The following ARHGAP44 variants were observed in gnomAD, a reference collection of about 807,000 sequenced individuals.
ARHGAP44 encodes the protein rho GTPase-activating protein 44.
Under a neutral mutation model 106.8 loss-of-function variants are expected in ARHGAP44, and 43 were observed. The ratio of observed to expected loss-of-function variants is 0.40; its 90% CI spans 0.32 to 0.52. ARHGAP44 has a LOEUF of 0.52. ARHGAP44 is among the 20% of genes least tolerant of loss of function. ARHGAP44 has a pLI of 0.48. For synonymous variants in ARHGAP44, 439 were observed against 410.3 expected (o/e 1.07, Z -0.85); for missense variants, 866 against 1,050.5 (o/e 0.82, Z 2.43).
intron 1 of ARHGAP44, among the ~76,000 whole-genome samples, chr17:12,791,170 C>T (rs1403493137): frequency 6.6e-6 from 1 of 152,134 alleles, no homozygotes; most frequent in Non-Finnish European, 1.5e-5. Context: ...CAGATGGTTT[C>T]CAAGTAACAA....
intron 18 of ARHGAP44, among the ~76,000 whole-genome samples, chr17:12,978,035 T>TTA (rs757585682): frequency 1.8e-5 from 1 of 55,562 alleles, no homozygotes; most frequent in African/African-American, 9.3e-5. Flanking sequence ...AGACTCCATC[T>TTA]CAAAAAAAAA....
intron 6 of ARHGAP44, among the ~76,000 whole-genome samples, chr17:12,928,605 T>G (rs1180646409): frequency 6.6e-6 from 1 of 152,190 alleles, no homozygotes; most frequent in Non-Finnish European, 1.5e-5. Context: ...AAAAATAACA[T>G]TAATTTTTTT....
chr17:12,946,886 A>AT (rs2038865660), intron 10 of ARHGAP44, among the ~76,000 whole-genome samples: 1 of 152,100 alleles, frequency 6.6e-6, no homozygotes, highest in East Asian at 1.9e-4. Flanking sequence ...CTGGTTTTTG[A>AT]AGAGCAGTAC....
chr17:12,895,131 A>G (rs549851237), intron 2 of ARHGAP44, among the ~76,000 whole-genome samples, 152 bp downstream of exon 2: 1 of 152,288 alleles, frequency 6.6e-6, no homozygotes, highest in South Asian at 2.1e-4. Context: ...CTCTGTCTCA[A>G]AACAAACAAA....
intron 4 of ARHGAP44, among the ~76,000 whole-genome samples, chr17:12,913,801 C>T (rs922578275): frequency 1.5e-4 from 23 of 151,548 alleles, no homozygotes; most frequent in African/African-American, 5.1e-4. Context: ...AACCCTGTCT[C>T]TACTAAAAAT....
chr17:12,815,633 T>C (rs1445510871), intron 1 of ARHGAP44, among the ~76,000 whole-genome samples: 1 of 152,164 alleles, frequency 6.6e-6, no homozygotes, highest in Non-Finnish European at 1.5e-5. Flanking sequence ...AGCAAGTAAG[T>C]GGCAGACTAG....
chr17:12,910,509 C>T lies in ARHGAP44; in HGVS notation c.275+1536C>T, dbSNP rs530654706. On this transcript the variant is annotated intron_variant, in intron 4 of 20. Coordinates refer to ENST00000379672, the MANE Select transcript of ARHGAP44 (RefSeq NM_014859.6). ...TGTCACCCAGGCTGGAGTGCAATGACGCAATCTCAGCTCACTGCAACCTCT... is the reference window on the plus strand; with the variant it reads ...TGTCACCCAGGCTGGAGTGCAATGATGCAATCTCAGCTCACTGCAACCTCT... Among the ~76,000 whole-genome samples, 28 of 123,408 alleles carry T rather than the reference C, an allele frequency of 2.3e-4. No individual in the cohort carries two copies. In the Admixed American group the frequency reaches 2.8e-3, roughly 12 times the overall value. The allele number at this position is 123,408 out of a possible 152,430, so 81.0% of individuals were successfully genotyped here. A position where few individuals can be genotyped will look rare whatever the true frequency, so the allele number is the denominator to read the frequency against.
In ARHGAP44 at chr17:12,978,036, C is replaced by CAAAAA. The variant is rs1157325814; in HGVS notation, c.1764-2006_1764-2002dup. Reference sequence around the variant, plus strand: ...TGGGCAACAGAGCAAGACTCCATCTCAAAAAAAAAAAAAAAAAAAAGTGTG... The same window carrying CAAAAA: ...TGGGCAACAGAGCAAGACTCCATCTCAAAAAAAAAAAAAAAAAAAAAAAAAGTGTG... On this transcript the variant is annotated intron_variant, in intron 18 of 20. Coordinates refer to ENST00000379672, the MANE Select transcript of ARHGAP44 (RefSeq NM_014859.6). Among the ~76,000 whole-genome samples the CAAAAA allele has an allele frequency of 4.6e-3, 414 of 89,240 alleles. 23 individuals are homozygous for CAAAAA. Among genetic ancestry groups the CAAAAA allele is most frequent in the Middle Eastern group, 7.7e-3 (1 of 130 alleles). 58.5% of individuals were successfully genotyped at this position (89,240 alleles called of 152,430 possible).
At chr17:12,864,001 G>C (rs2036165174) in intron 1 of ARHGAP44, among the ~76,000 whole-genome samples, 2 of 152,340 alleles carry the variant, frequency 1.3e-5, no homozygotes, top group South Asian at 2.1e-4. Flanking sequence ...ATGTGGCTTG[G>C]ACTTCCTCAC....
chr17:12,890,378 A>G (rs998015949), intron 1 of ARHGAP44, among the ~76,000 whole-genome samples: 1 of 152,180 alleles, frequency 6.6e-6, no homozygotes, highest in African/African-American at 2.4e-5. Context: ...TTAGCATTAT[A>G]TGGATGCCAC....
chr17:12,920,394 A>AAAG (rs2038046627), intron 6 of ARHGAP44, among the ~76,000 whole-genome samples: 1 of 150,848 alleles, frequency 6.6e-6, no homozygotes, highest in South Asian at 2.1e-4. Flanking sequence ...AAAAAAAAAA[A>AAAG]GTAACACAGG....
intron 5 of ARHGAP44, among the ~76,000 whole-genome samples, chr17:12,917,626 C>T (rs1437438713): frequency 6.6e-6 from 1 of 152,096 alleles, no homozygotes; most frequent in East Asian, 1.9e-4. Context: ...CTCTCAGCTA[C>T]ACCCGGAAAA....
At chr17:12,799,964 C>T (rs937082259) in intron 1 of ARHGAP44, among the ~76,000 whole-genome samples, 2 of 152,066 alleles carry the variant, frequency 1.3e-5, no homozygotes, top group Non-Finnish European at 2.9e-5. Context: ...GCCCTTTCTA[C>T]AATAGGGAGA....
In ARHGAP44 at chr17:12,947,486, C is replaced by T. The variant is rs568873081; in HGVS notation, c.862-1654C>T. Reference sequence around the variant, plus strand: ...TCCCCACCCTGCCCTGCTAGAGGTGCTCCTCAACCTCAGTGAGGACTCCCC... The same window carrying T: ...TCCCCACCCTGCCCTGCTAGAGGTGTTCCTCAACCTCAGTGAGGACTCCCC... On this transcript the variant is annotated intron_variant, in intron 10 of 20. Transcript: ENST00000379672. Among the ~76,000 whole-genome samples the T allele has an allele frequency of 3.3e-5, 5 of 152,294 alleles. No homozygotes were observed. The South Asian group carries it at 1.0e-3, about 32-fold the overall frequency.
intron 1 of ARHGAP44, among the ~76,000 whole-genome samples, chr17:12,795,156 A>C (rs2033882048): frequency 6.6e-6 from 1 of 152,236 alleles, no homozygotes; most frequent in South Asian, 2.1e-4. Flanking sequence ...TCGTCCCCCA[A>C]AGAGCGCTGT....
At chr17:12,818,623 A>C (rs968231037) in intron 1 of ARHGAP44, among the ~76,000 whole-genome samples, 1 of 152,098 alleles carries the variant, frequency 6.6e-6, no homozygotes, top group Admixed American at 6.5e-5. Flanking sequence ...ATAACAATTT[A>C]TGAAAGTCTC....
intron 1 of ARHGAP44, among the ~76,000 whole-genome samples, chr17:12,885,093 G>T (rs1484926835): frequency 6.6e-6 from 1 of 152,118 alleles, no homozygotes; most frequent in Non-Finnish European, 1.5e-5. Context: ...TAGAGATGGG[G>T]TTTCACCATA....
intron 14 of ARHGAP44, 43 bp downstream of exon 14, chr17:12,956,023 C>A: frequency 2.1e-6 from 3 of 1,461,052 alleles, no homozygotes; most frequent in Non-Finnish European, 9.6e-7. Context: ...TCAGGTGGGA[C>A]TGCAGGGCCT....
intron 1 of ARHGAP44, among the ~76,000 whole-genome samples, chr17:12,882,741 G>A (rs1265055847): frequency 6.6e-6 from 1 of 151,992 alleles, no homozygotes; most frequent in Non-Finnish European, 1.5e-5. Flanking sequence ...ATACTTGCAG[G>A]TTGCTAAAGT....
Sources: allele counts gnomAD v4.1 joint callset (sites outside exome capture counted in the v4.1 genomes callset), GRCh38; gene constraint gnomAD v4.1.1; transcripts MANE v1.5; gene names NCBI Gene and HGNC (gene_info 2026-07-23, HGNC 2026-07-21).